Variants in GRID2 observed in about 807,000 individuals in gnomAD.
The protein encoded by GRID2 is glutamate ionotropic receptor delta type subunit 2, also known as glutamate receptor ionotropic, delta-2.
In GRID2, 33 loss-of-function variants were observed where a neutral mutation model predicts 114.8. That is an observed-to-expected ratio of 0.29 (90% CI 0.22 to 0.38). GRID2 has a LOEUF of 0.38. Ranked by LOEUF, GRID2 falls within the 10% of genes least tolerant of loss-of-function variation. The probability of loss-of-function intolerance (pLI) is 1.00; values close to 1 mark genes in which losing one functional copy is unlikely to be tolerated. For synonymous variants in GRID2, 505 were observed against 449.9 expected (o/e 1.12, Z -1.55); for missense variants, 1,184 against 1,257.7 (o/e 0.94, Z 0.89).
At chr4:92,879,332 A>G (rs1011214151) in intron 2 of GRID2, among the ~76,000 whole-genome samples, 12 of 152,168 alleles carry the variant, frequency 7.9e-5, no homozygotes, top group African/African-American at 2.9e-4. Flanking sequence ...TGACACCCAA[A>G]ATAGTACTTC....
At chr4:92,477,088 TG>T (rs2149101020) in intron 1 of GRID2, among the ~76,000 whole-genome samples, 1 of 134,448 alleles carries the variant, frequency 7.4e-6, no homozygotes, top group East Asian at 2.1e-4. Flanking sequence ...TGTGTGTGTG[TG>T]TGTGTGTGTT....
chr4:92,602,055 G>A (rs6832010), intron 2 of GRID2, among the ~76,000 whole-genome samples: 52,271 of 151,654 alleles, frequency 0.34, 9,047 homozygotes, highest in East Asian at 0.42. Flanking sequence ...AGGGCCAGAC[G>A]GATTTATAGC....
chr4:92,566,122 C>G (rs1727321849), intron 1 of GRID2, among the ~76,000 whole-genome samples: 1 of 151,922 alleles, frequency 6.6e-6, no homozygotes, highest in African/African-American at 2.4e-5. Context: ...TGCCTAGCAG[C>G]TGGCGCAAAA....
chr4:92,599,920 G>T (rs1261791349), intron 2 of GRID2, among the ~76,000 whole-genome samples: 7 of 151,102 alleles, frequency 4.6e-5, no homozygotes, highest in Admixed American at 4.0e-4. Context: ...AGCTACTCGG[G>T]AGGCTCAGGC....
At chr4:93,400,588 A>G (rs1175019047) in intron 9 of GRID2, among the ~76,000 whole-genome samples, 1 of 152,112 alleles carries the variant, frequency 6.6e-6, no homozygotes, top group Non-Finnish European at 1.5e-5. Context: ...AAACATAATC[A>G]TAATATATAT....
intron 13 of GRID2, among the ~76,000 whole-genome samples, chr4:93,616,178 G>A (rs1452811645): frequency 1.3e-5 from 2 of 152,030 alleles, no homozygotes; most frequent in African/African-American, 4.8e-5. Flanking sequence ...AATATCACAG[G>A]TAAGCAATGT....
intron 4 of GRID2, among the ~76,000 whole-genome samples, chr4:93,193,907 G>GA (rs1741234689): frequency 6.6e-6 from 1 of 152,162 alleles, no homozygotes; most frequent in Non-Finnish European, 1.5e-5. Flanking sequence ...TCTAGTAACA[G>GA]AAACACACCT....
In GRID2 at chr4:92,697,765, A is replaced by G. The variant is rs1261798209; in HGVS notation, c.244+107479A>G. On this transcript the variant is annotated intron_variant, in intron 2 of 15. Transcript: ENST00000282020. The stretch of plus-strand genomic sequence containing the variant: ...AGTATAGGTATCTGGGAAACAGCAC[A>G]CTCTTAATTGATATAGAGAAGTCAG... Among the ~76,000 whole-genome samples the G allele has an allele frequency of 2.6e-5, 4 of 152,142 alleles. No homozygotes were observed. The East Asian group carries it at 7.7e-4, about 29-fold the overall frequency.
chr4:93,558,367 A>C (rs1410516110), intron 13 of GRID2, among the ~76,000 whole-genome samples: 1 of 152,176 alleles, frequency 6.6e-6, no homozygotes, highest in Non-Finnish European at 1.5e-5. Flanking sequence ...AAAAGAGAGA[A>C]GAATCAAATA....
At chr4:93,680,316 C>G (rs1462633167) in intron 14 of GRID2, among the ~76,000 whole-genome samples, 2 of 151,538 alleles carry the variant, frequency 1.3e-5, no homozygotes, top group African/African-American at 4.9e-5. Flanking sequence ...AGTCCAGGAC[C>G]AGATGGATTC....
intron 2 of GRID2, among the ~76,000 whole-genome samples, chr4:92,632,829 T>C (rs545660843): frequency 6.6e-6 from 1 of 152,222 alleles, no homozygotes; most frequent in South Asian, 2.1e-4. Flanking sequence ...GTAGATTGGG[T>C]TAATTAACAA....
At position 92,803,883 on chromosome 4, in the gene GRID2, A is replaced by C. The variant is rs143462217; in HGVS notation, c.244+213597A>C. Among the ~76,000 whole-genome samples the C allele has an allele frequency of 3.1e-3, 467 of 152,138 alleles. 5 individuals carry two copies. The highest frequency in any genetic ancestry group is 0.024 in the Middle Eastern group (7 of 294). ...TTCTGGAGGCAAGAAGTCTGAAATC[A>C]GGATGTCAGTAGAGTCATGCTCTCT... On this transcript the variant is annotated intron_variant, in intron 2 of 15. Transcript: ENST00000282020.
chr4:93,590,884 G>C (rs1353441642), intron 13 of GRID2, among the ~76,000 whole-genome samples: 13 of 150,116 alleles, frequency 8.7e-5, no homozygotes, highest in African/African-American at 3.2e-4. Flanking sequence ...AGGAATGCTT[G>C]TGATTTTTGC....
At chr4:92,688,207 G>A (rs1450483989) in intron 2 of GRID2, among the ~76,000 whole-genome samples, 9 of 151,180 alleles carry the variant, frequency 6.0e-5, no homozygotes, top group South Asian at 2.1e-4. Flanking sequence ...CTGCCACCAC[G>A]CCCAGCTAAT....
chr4:92,846,274 G>C (rs1369954655), intron 2 of GRID2, among the ~76,000 whole-genome samples: 2 of 152,058 alleles, frequency 1.3e-5, no homozygotes, highest in African/African-American at 4.8e-5. Context: ...TCCTGGTACT[G>C]AGTATATAGT....
chr4:92,878,748 A>G (rs1022735944), intron 2 of GRID2, among the ~76,000 whole-genome samples: 11 of 152,164 alleles, frequency 7.2e-5, no homozygotes, highest in Non-Finnish European at 1.5e-4. Context: ...TAGAAATAAT[A>G]TTCCCTGAGC....
intron 8 of GRID2, among the ~76,000 whole-genome samples, chr4:93,330,937 G>A (rs1243120665): frequency 1.3e-5 from 2 of 152,058 alleles, no homozygotes; most frequent in Non-Finnish European, 2.9e-5. Context: ...CCTGAAGTCA[G>A]ATTACTGAAA....
At chr4:93,502,732 A>AT (rs1560689182) in intron 12 of GRID2, among the ~76,000 whole-genome samples, 1 of 86,668 alleles carries the variant, frequency 1.2e-5, no homozygotes, top group African/African-American at 4.6e-5. Context: ...ACACACGCAC[A>AT]CCACACACAC....
At chr4:93,615,252 C>T (rs1182635936) in intron 13 of GRID2, among the ~76,000 whole-genome samples, 2 of 152,144 alleles carry the variant, frequency 1.3e-5, no homozygotes, top group African/African-American at 4.8e-5. Flanking sequence ...TTTTGTCAAT[C>T]GTCTTTGCAT....
Sources: allele counts gnomAD v4.1 joint callset (sites outside exome capture counted in the v4.1 genomes callset), GRCh38; gene constraint gnomAD v4.1.1; transcripts MANE v1.5; gene names NCBI Gene and HGNC (gene_info 2026-07-23, HGNC 2026-07-21).